The following DDX19A variants were observed in gnomAD, a reference collection of about 807,000 sequenced individuals.
DDX19A encodes ATP-dependent RNA helicase DDX19A.
DDX19A carries 12 observed loss-of-function variants against 60.6 expected under a neutral mutation model. The observed-to-expected ratio is 0.20, with a 90% CI of 0.13 to 0.32. DDX19A has a LOEUF of 0.32. Ranked by LOEUF, DDX19A falls within the 10% of genes least tolerant of loss-of-function variation. DDX19A has a pLI of 1.00. For synonymous variants in DDX19A, 206 were observed against 218.2 expected (o/e 0.94, Z 0.49); for missense variants, 337 against 600.6 (o/e 0.56, Z 4.59).
intron 1 of DDX19A, chr16:70,347,998 G>T (rs1277408601): frequency 2.2e-6 from 1 of 451,562 alleles, no homozygotes; most frequent in Non-Finnish European, 4.5e-6. Flanking sequence ...CCGGTATGGG[G>T]ATTTTTGAGA....
chr16:70,360,324 T>TC lies in DDX19A; in HGVS notation c.294-1094_294-1093insC, dbSNP rs66509839. On this transcript the variant is annotated intron_variant, in intron 4 of 11. Transcript: ENST00000302243. Reference sequence around the variant, plus strand: ...TTTCTTTTTTCTTTCTTTCTTTCTTTTTTTTTTTTTTTTTAAGAGATGACC... The same window carrying TC: ...TTTCTTTTTTCTTTCTTTCTTTCTTTCTTTTTTTTTTTTTTAAGAGATGACC... Among the ~76,000 whole-genome samples, 103 of 139,896 alleles carry TC rather than the reference T, an allele frequency of 7.4e-4. 2 individuals are homozygous for TC. The South Asian group carries it at 9.5e-3, about 13-fold the overall frequency. 91.8% of individuals were successfully genotyped at this position (139,896 alleles called of 152,430 possible).
In DDX19A at chr16:70,372,989, T is replaced by C. The variant is rs888477312; in HGVS notation, c.*1003T>C. 2.6e-5 allele frequency: 4 copies of C among 152,148 alleles called. No homozygotes were observed. Among genetic ancestry groups the C allele is most frequent in the Admixed American group, 2.0e-4 (3 of 15,260 alleles). 9.4% of individuals were successfully genotyped at this position (152,148 alleles called of 1,614,324 possible). A position where few individuals can be genotyped will look rare whatever the true frequency, so the allele number is the denominator to read the frequency against. ...GGCTCATGCCTATAATCCCAGCACG[T>C]TGGGAGGCTGAGGCGGGCGGATCGG... On this transcript the variant is annotated 3_prime_UTR_variant, in exon 12 of 12. Coordinates refer to ENST00000302243, the MANE Select transcript of DDX19A (RefSeq NM_018332.5).
intron 2 of DDX19A, among the ~76,000 whole-genome samples, chr16:70,353,553 C>G (rs182599948): frequency 8.6e-5 from 13 of 151,978 alleles, no homozygotes; most frequent in Non-Finnish European, 2.9e-5. Context: ...AAAAGTTTGA[C>G]TATTAATTCT....
At chr16:70,350,377 T>C (rs1311385931) in intron 1 of DDX19A, among the ~76,000 whole-genome samples, 180 bp from the exon 2 acceptor site, 1 of 152,166 alleles carries the variant, frequency 6.6e-6, no homozygotes, top group Non-Finnish European at 1.5e-5. Flanking sequence ...GTTGAAGATA[T>C]TTGAAATGAT....
intron 5 of DDX19A, 50 bp downstream of exon 5, chr16:70,361,560 T>C (rs752135612): frequency 2.7e-6 from 4 of 1,483,456 alleles, no homozygotes; most frequent in Middle Eastern, 1.7e-4. Context: ...AGATCAATCT[T>C]CCCCAAACTG....
intron 4 of DDX19A, among the ~76,000 whole-genome samples, chr16:70,357,488 G>A (rs942162851): frequency 5.8e-5 from 8 of 136,788 alleles, no homozygotes; most frequent in Admixed American, 1.6e-4. Context: ...AGGTCCAAGC[G>A]ATTCTCCTGC....
Position 70,366,908 on chromosome 16 carries a change from G to T in DDX19A, c.1020+47G>T. 1.9e-6 allele frequency: 3 copies of T among 1,608,422 alleles called. No homozygotes were observed. In the South Asian group the frequency reaches 3.3e-5, roughly 18 times the overall value. On this transcript the variant is annotated intron_variant, in intron 9 of 11. Transcript: ENST00000302243. ...AGGCCTGGCCCCTCCCTCTCAGCCA[G>T]CTCCCCACAGGGCTCAGGAGGACTG...
rs1964357529 is a variant in DDX19A at position 70,361,281 on chromosome 16, G to T, written c.294-137G>T. The T allele has an allele frequency of 5.6e-6, 4 of 710,872 alleles. No individual in the cohort carries two copies. In the South Asian group the frequency reaches 6.7e-5, roughly 12 times the overall value. The allele number at this position is 710,872 out of a possible 1,614,324, so 44.0% of individuals were successfully genotyped here. A position where few individuals can be genotyped will look rare whatever the true frequency, so the allele number is the denominator to read the frequency against. Reference sequence around the variant, plus strand: ...TTGATTTGGTTTGGTTTTTGACAGTGTTTTTTTAAGGCATAGGAAAATACG... The same window carrying T: ...TTGATTTGGTTTGGTTTTTGACAGTTTTTTTTTAAGGCATAGGAAAATACG... On this transcript the variant is annotated intron_variant, in intron 4 of 11. Coordinates refer to ENST00000302243, the MANE Select transcript of DDX19A (RefSeq NM_018332.5).
intron 2 of DDX19A, among the ~76,000 whole-genome samples, 160 bp downstream of exon 2, chr16:70,350,765 A>C (rs1448790267): frequency 6.9e-6 from 1 of 145,546 alleles, no homozygotes; most frequent in Admixed American, 7.0e-5. Flanking sequence ...TCGATTTTCC[A>C]CATTTTATCC....
At chr16:70,370,522 G>C in intron 10 of DDX19A, 137 bp downstream of exon 10, 1 of 1,324,594 alleles carries the variant, frequency 7.5e-7, no homozygotes, top group Non-Finnish European at 1.0e-6. Flanking sequence ...TCCTTTCTAG[G>C]AGAGACTGTT....
chr16:70,362,870 C>T (rs535978821), intron 5 of DDX19A, among the ~76,000 whole-genome samples: 22 of 151,406 alleles, frequency 1.5e-4, no homozygotes, highest in South Asian at 8.5e-4. Context: ...AAAAATTAGC[C>T]GGGCTTGGTG....
intron 4 of DDX19A, among the ~76,000 whole-genome samples, chr16:70,361,209 A>G (rs1268105897): frequency 6.6e-6 from 1 of 152,234 alleles, no homozygotes; most frequent in Non-Finnish European, 1.5e-5. Flanking sequence ...TATGAATTAT[A>G]GAATAGTTGC....
chr16:70,370,136 C>T lies in DDX19A; in HGVS notation c.1021-87C>T, dbSNP rs543499435. On this transcript the variant is annotated intron_variant, in intron 9 of 11. Coordinates refer to ENST00000302243, the MANE Select transcript of DDX19A (RefSeq NM_018332.5). ...GACTTGAGCCCAGGACTTTTTAGAT[C>T]ACCCTGAGTGACAGCAAGACTGTGT... 727 of 1,473,210 alleles carry T rather than the reference C, an allele frequency of 4.9e-4. 1 individual carries two copies. The highest frequency in any genetic ancestry group is 6.2e-4 in the Non-Finnish European group (690 of 1,110,982). 91.3% of individuals were successfully genotyped at this position (1,473,210 alleles called of 1,614,324 possible).
intron 2 of DDX19A, among the ~76,000 whole-genome samples, chr16:70,352,874 G>C (rs1272226093): frequency 6.7e-6 from 1 of 148,954 alleles, no homozygotes; most frequent in Non-Finnish European, 1.5e-5. Context: ...CTGACCTCAG[G>C]TGATCCGCCC....
At chr16:70,347,108 A>G in intron 1 of DDX19A, 60 bp downstream of exon 1, 2 of 1,525,294 alleles carry the variant, frequency 1.3e-6, no homozygotes, top group South Asian at 1.2e-5. Context: ...AACCTCCCAA[A>G]AGCACAGGGA....
chr16:70,358,855 C>T (rs1964293405), intron 4 of DDX19A, among the ~76,000 whole-genome samples: 2 of 152,048 alleles, frequency 1.3e-5, no homozygotes, highest in Admixed American at 6.6e-5. Context: ...CCTTCTCAAA[C>T]GGAAATTATG....
chr16:70,351,676 C>T (rs1964023145), intron 2 of DDX19A, among the ~76,000 whole-genome samples: 1 of 151,804 alleles, frequency 6.6e-6, no homozygotes, highest in Admixed American at 6.6e-5. Context: ...AGGCGCCCGC[C>T]ACCATGCCCA....
intron 4 of DDX19A, among the ~76,000 whole-genome samples, chr16:70,357,366 GTTTTTTTTTTTTTTTTT>G (rs71151183): frequency 7.8e-3 from 347 of 44,548 alleles, no homozygotes; most frequent in South Asian, 9.9e-3. Flanking sequence ...TTTTTGGTTT[GTTTTTTTTTTTTTTTTT>G]TTTTTTTTTT....
chr16:70,371,938 A>C lies in DDX19A; in HGVS notation c.1389A>C (p.Glu463Asp). The C allele has an allele frequency of 6.2e-7, 1 of 1,613,968 alleles. No homozygotes were observed. Among genetic ancestry groups the C allele is most frequent in the Non-Finnish European group, 8.5e-7 (1 of 1,179,870 alleles). The part of the protein sequence containing the change: ...RIQEHFNKKI[E>D]RLDTDDLDEI... ...TCTTTCCCCCAGATAAGAAGATAGA[A>C]AGATTGGACACAGATGATTTGGACG... is the stretch of plus-strand genomic sequence containing the variant. The change falls in exon 12 of 12, where the codon GAA becomes GAC. Residue 463 changes from glutamate (E) to aspartate (D), a missense_variant. Around this residue, in one of 6 missense-constraint regions of DDX19A, gnomAD observed 29 missense variants for 51.2 expected, o/e 0.57. Transcript: ENST00000302243.
Sources: gnomAD v4.1 joint callset for allele counts (sites outside exome capture counted in the v4.1 genomes callset) on GRCh38, gnomAD v4.1.1 for gene constraint, gnomAD v4.1.1 regional missense constraint, MANE v1.5 for transcripts, NCBI Gene and HGNC (gene_info 2026-07-23, HGNC 2026-07-21) for gene names.